Variants in HEATR5B observed in about 807,000 individuals in gnomAD.
HEATR5B encodes the protein HEAT repeat containing 5B, also known as HEAT repeat-containing protein 5B.
A neutral mutation model predicts 224.1 loss-of-function variants in HEATR5B; 156 were observed. The ratio of observed to expected loss-of-function variants is 0.70; its 90% confidence interval spans 0.61 to 0.80. The LOEUF is 0.80. HEATR5B is among the 30% of genes least tolerant of loss of function. The pLI is 0.00. For missense variants in HEATR5B, 2,323 were observed against 2,535.5 expected (o/e 0.92, Z 1.80); for synonymous variants, 1,027 against 893.0 (o/e 1.15, Z -2.68).
At chr2:37,073,759 C>A (rs1672052655) in intron 5 of HEATR5B, among the ~76,000 whole-genome samples, 1 of 152,046 alleles carries the variant, frequency 6.6e-6, no homozygotes, top group Non-Finnish European at 1.5e-5. Context: ...AATCAAAATC[C>A]CAACATGGTA....
intron 1 of HEATR5B, among the ~76,000 whole-genome samples, chr2:37,083,781 G>A (rs1376224099): frequency 6.6e-6 from 1 of 152,194 alleles, no homozygotes; most frequent in Non-Finnish European, 1.5e-5. Flanking sequence ...AAACACCCCA[G>A]CCGGGCTTGA....
At chr2:37,078,731 T>C (rs542264621) in intron 3 of HEATR5B, among the ~76,000 whole-genome samples, 3 of 152,290 alleles carry the variant, frequency 2.0e-5, no homozygotes, top group East Asian at 1.9e-4. Context: ...ACACGGACCA[T>C]GGCCCCTTGA....
Position 37,077,016 on chromosome 2 carries a change from A to G in HEATR5B, c.342T>C (p.Ala114=). Residue 114 remains alanine (A), a synonymous_variant, in exon 4 of 36, where the codon GCT becomes GCC. Coordinates refer to ENST00000233099, the MANE Select transcript of HEATR5B (RefSeq NM_019024.3). Reference sequence around the variant, plus strand: ...AAAATGCTCCGACACAAGCCACCGCAGCCCTGTAAGAAGTGACAACTTCAC... The same window carrying G: ...AAAATGCTCCGACACAAGCCACCGCGGCCCTGTAAGAAGTGACAACTTCAC... ...DTAAYLPTKL[A]AVACVGAFYE... 6.2e-7 allele frequency: 1 copy of G among 1,612,790 alleles called. No individual in the cohort carries two copies. Among genetic ancestry groups the G allele is most frequent in the Non-Finnish European group, 8.5e-7 (1 of 1,178,890 alleles).
At chr2:37,072,351 C>A (rs1003584361) in intron 5 of HEATR5B, 70 bp from the exon 6 acceptor site, 4 of 1,101,570 alleles carry the variant, frequency 3.6e-6, no homozygotes, top group Non-Finnish European at 4.0e-6. Flanking sequence ...TAGCAAGAAC[C>A]AGACTTACCA....
intron 3 of HEATR5B, among the ~76,000 whole-genome samples, chr2:37,077,974 C>T (rs942508784): frequency 1.3e-5 from 2 of 152,172 alleles, no homozygotes; most frequent in Non-Finnish European, 2.9e-5. Flanking sequence ...CCCAGTGTCA[C>T]TTAGGTCAAT....
rs546911288 is a variant in HEATR5B, at chr2:37,048,281, C to T, written c.2696+1372G>A. 1.9e-3 allele frequency among the ~76,000 whole-genome samples: 286 copies of T among 151,766 alleles called. 1 individual carries two copies. The highest frequency in any genetic ancestry group is 6.8e-3 in the Middle Eastern group (2 of 294). On this transcript the variant is annotated intron_variant, in intron 18 of 35. Coordinates refer to ENST00000233099, the MANE Select transcript of HEATR5B (RefSeq NM_019024.3). The stretch of plus-strand genomic sequence containing the variant: ...CTCACTGCAACCTCCACCTCCCAGG[C>T]TCAAGCGATCCTCCCATCTCAGCCT...
At chr2:37,037,711 T>A (rs748260652) in intron 21 of HEATR5B, 144 bp downstream of exon 21, 1 of 416,412 alleles carries the variant, frequency 2.4e-6, no homozygotes, top group Non-Finnish European at 4.2e-6. Flanking sequence ...CACTCTGATG[T>A]GATTATTATA....
At chr2:37,038,667 T>G (rs768655898) in intron 20 of HEATR5B, among the ~76,000 whole-genome samples, 18 of 152,138 alleles carry the variant, frequency 1.2e-4, no homozygotes, top group Non-Finnish European at 2.6e-4. Flanking sequence ...GCGGCTTATT[T>G]AAATCACCTG....
intron 22 of HEATR5B, among the ~76,000 whole-genome samples, chr2:37,031,434 C>CTTTT (rs35877706): frequency 2.4e-5 from 3 of 126,004 alleles, no homozygotes; most frequent in Non-Finnish European, 5.3e-5. Flanking sequence ...TCTTTTCTTT[C>CTTTT]TTTTTTTTTT....
chr2:37,046,499 C>T (rs975397304), intron 18 of HEATR5B, among the ~76,000 whole-genome samples: 8 of 151,820 alleles, frequency 5.3e-5, no homozygotes, highest in African/African-American at 1.7e-4. Flanking sequence ...ATTAGCCGGG[C>T]GTGGTGGCAG....
intron 21 of HEATR5B, among the ~76,000 whole-genome samples, chr2:37,036,634 C>T (rs1393776534): frequency 6.6e-6 from 1 of 152,002 alleles, no homozygotes; most frequent in Admixed American, 6.6e-5. Flanking sequence ...GCTTCAGCCT[C>T]CCGAGTAGCT....
intron 17 of HEATR5B, among the ~76,000 whole-genome samples, chr2:37,050,945 G>A (rs973800017): frequency 2.0e-5 from 3 of 152,040 alleles, no homozygotes; most frequent in Admixed American, 1.3e-4. Context: ...GCAGACTTAG[G>A]CAGGAGAATC....
intron 21 of HEATR5B, 57 bp from the exon 22 acceptor site, chr2:37,032,830 C>T: frequency 6.9e-7 from 1 of 1,453,014 alleles, no homozygotes; most frequent in Non-Finnish European, 9.4e-7. Context: ...ATTCTTTAAT[C>T]TTATTTGCCC....
chr2:37,083,076 T>C (rs1016261565), intron 2 of HEATR5B, among the ~76,000 whole-genome samples: 2 of 152,208 alleles, frequency 1.3e-5, no homozygotes, highest in African/African-American at 2.4e-5. Context: ...CCAGTTACAA[T>C]GAGCTGCCCA....
intron 13 of HEATR5B, 120 bp from the exon 14 acceptor site, chr2:37,058,680 GC>G (rs1246048354): frequency 5.5e-6 from 4 of 732,244 alleles, no homozygotes; most frequent in Non-Finnish European, 9.2e-6. Context: ...TTTCATTTTA[GC>G]TTATGTTGTG....
chr2:37,055,102 C>T (rs1395927054), intron 16 of HEATR5B: 4 of 413,160 alleles, frequency 9.7e-6, no homozygotes, highest in African/African-American at 4.2e-5. Flanking sequence ...CTAAGAACAG[C>T]AGTAAATATA....
At chr2:37,038,813 T>C (rs1669680557) in intron 20 of HEATR5B, among the ~76,000 whole-genome samples, 3 of 146,934 alleles carry the variant, frequency 2.0e-5, no homozygotes, top group Non-Finnish European at 3.0e-5. Flanking sequence ...GGCAGGAGAA[T>C]TGCTTGAACC....
intron 18 of HEATR5B, among the ~76,000 whole-genome samples, chr2:37,047,035 C>CAAAAAAAAAA (rs57343074): frequency 1.3e-4 from 6 of 45,420 alleles, no homozygotes; most frequent in Admixed American, 2.8e-4. Context: ...GACTCCACCT[C>CAAAAAAAAAA]AAAAAAAAAA....
intron 33 of HEATR5B, among the ~76,000 whole-genome samples, chr2:36,995,978 T>C (rs1228332515): frequency 1.3e-5 from 2 of 151,658 alleles, no homozygotes; most frequent in Non-Finnish European, 2.9e-5. Flanking sequence ...CTCTGCCTCC[T>C]GGGCTCAAGT....
Sources: gnomAD v4.1 joint callset for allele counts (sites outside exome capture counted in the v4.1 genomes callset) on GRCh38, gnomAD v4.1.1 for gene constraint, MANE v1.5 for transcripts, NCBI Gene and HGNC (gene_info 2026-07-23, HGNC 2026-07-21) for gene names.